DLG2: variants seen among roughly 807,000 people sequenced by gnomAD.
DLG2 encodes the protein discs large MAGUK scaffold protein 2.
A neutral mutation model predicts 132.5 loss-of-function variants in DLG2; 45 were observed. The ratio of observed to expected loss-of-function variants is 0.34; its 90% CI spans 0.27 to 0.44. The LOEUF is 0.44. Ranked by LOEUF, DLG2 falls within the 20% of genes least tolerant of loss-of-function variation. The pLI is 1.00. For synonymous variants in DLG2, 424 were observed against 419.6 expected, an observed-to-expected ratio of 1.01 and a Z score of -0.13; for missense variants, 1,045 against 1,196.9, an observed-to-expected ratio of 0.87 and a Z score of 1.87.
intron 6 of DLG2, chr11:85,020,773 G>A: frequency 4.3e-6 from 3 of 700,420 alleles, no homozygotes; most frequent in Admixed American, 3.5e-5. Context: ...CCTGCTATGT[G>A]CTTCAAAGTC....
At chr11:85,339,227 G>C (rs187571968) in intron 3 of DLG2, among the ~76,000 whole-genome samples, 14 of 152,238 alleles carry the variant, frequency 9.2e-5, no homozygotes, top group Middle Eastern at 3.4e-3. Context: ...ACTCCATGTG[G>C]ATTTGCCATA....
intron 19 of DLG2, among the ~76,000 whole-genome samples, chr11:83,583,316 T>C (rs1457924171): frequency 6.6e-6 from 1 of 152,202 alleles, no homozygotes; most frequent in Non-Finnish European, 1.5e-5. Flanking sequence ...CTCTTTGCAC[T>C]GCCCCTCACA....
chr11:85,194,590 G>A (rs539641985), intron 4 of DLG2, among the ~76,000 whole-genome samples: 50 of 151,742 alleles, frequency 3.3e-4, no homozygotes, highest in South Asian at 1.0e-3. Context: ...AACATTTTCC[G>A]CACTCCCCTC....
At chr11:85,305,823 C>A (rs1035807424) in intron 3 of DLG2, among the ~76,000 whole-genome samples, 1 of 152,108 alleles carries the variant, frequency 6.6e-6, no homozygotes, top group African/African-American at 2.4e-5. Context: ...GGATTTCTTT[C>A]TTTTATACTG....
chr11:85,599,189 A>C (rs117569596), intron 2 of DLG2, among the ~76,000 whole-genome samples: 3 of 151,964 alleles, frequency 2.0e-5, no homozygotes, highest in Admixed American at 1.3e-4. Context: ...ATTTCCCACT[A>C]TATAGTCCAC....
intron 3 of DLG2, among the ~76,000 whole-genome samples, chr11:85,372,200 C>T (rs1036982632): frequency 3.3e-5 from 5 of 152,162 alleles, no homozygotes; most frequent in Non-Finnish European, 7.3e-5. Context: ...CAAATCCTGC[C>T]AGGTGATGGG....
At chr11:85,520,445 A>G (rs548581468) in intron 3 of DLG2, among the ~76,000 whole-genome samples, 89 of 152,098 alleles carry the variant, frequency 5.9e-4, no homozygotes, top group Non-Finnish European at 1.1e-3. Flanking sequence ...GGTTCAATGC[A>G]ATTCTTATCA....
intron 17 of DLG2, among the ~76,000 whole-genome samples, chr11:83,823,306 G>A (rs1594949888): frequency 6.6e-6 from 1 of 152,096 alleles, no homozygotes; most frequent in Non-Finnish European, 1.5e-5. Context: ...TTTACATAGA[G>A]AAGACACTTT....
Position 85,539,798 on chromosome 11 carries a change from G to A in DLG2, c.40+58859C>T, listed in dbSNP as rs948854593. On this transcript the variant is annotated intron_variant, in intron 3 of 27. Coordinates refer to ENST00000376104, the MANE Select transcript of DLG2 (RefSeq NM_001142699.3). ...TGTCTGTAGTACAGGGGTTACAAGAGCTAAGGCAAGAAATATAGATTGAAG... is the reference window on the plus strand; with the variant it reads ...TGTCTGTAGTACAGGGGTTACAAGAACTAAGGCAAGAAATATAGATTGAAG... Among the ~76,000 whole-genome samples, 3 of 152,184 alleles carry A rather than the reference G, an allele frequency of 2.0e-5. No homozygotes were observed. In the East Asian group the frequency reaches 5.8e-4, roughly 29 times the overall value.
chr11:84,927,620 C>T (rs1177988911), intron 6 of DLG2, among the ~76,000 whole-genome samples: 2 of 152,116 alleles, frequency 1.3e-5, no homozygotes, highest in East Asian at 3.9e-4. Context: ...AAGTAGCCTA[C>T]ATAAATATCT....
rs143969248 is a variant in DLG2 at position 84,627,827 on chromosome 11, C to T, written c.358-93096G>A. On this transcript the variant is annotated intron_variant, in intron 6 of 27. Transcript: ENST00000376104. ...TGGTGAAAATAACAGCAAGAGAAAG[C>T]GGTGGGAGGAGGTGCCACAGACTCA... 4.0e-3 allele frequency among the ~76,000 whole-genome samples: 616 copies of T among 152,158 alleles called. 9 individuals carry two copies. Among genetic ancestry groups the T allele is most frequent in the African/African-American group, 0.013 (557 of 41,520 alleles).
At position 83,965,348 on chromosome 11, in the gene DLG2, A is replaced by G. The variant is rs1267450357; in HGVS notation, c.1177T>C (p.Tyr393His). Reference sequence around the variant, plus strand: ...CAGTGAGTAATATCAGGTGGACCATAAGGATCAGTCATATAAATGGTAGTG... The same window carrying G: ...CAGTGAGTAATATCAGGTGGACCATGAGGATCAGTCATATAAATGGTAGTG... ...KPTTIYMTDP[Y>H]GPPDITHSYS... is the part of the protein sequence containing the mutation. Residue 393 changes from tyrosine (Y) to histidine (H), a missense_variant, in exon 13 of 28, where the codon TAT (tyrosine) becomes CAT (histidine). Coordinates refer to ENST00000376104, the MANE Select transcript of DLG2 (RefSeq NM_001142699.3). 6.2e-7 allele frequency: 1 copy of G among 1,611,140 alleles called. No individual in the cohort carries two copies. The highest frequency in any genetic ancestry group is 1.3e-5 in the African/African-American group (1 of 74,680).
intron 7 of DLG2, among the ~76,000 whole-genome samples, chr11:84,297,231 G>T (rs535605394): frequency 6.6e-6 from 1 of 152,060 alleles, no homozygotes; most frequent in African/African-American, 2.4e-5. Flanking sequence ...TAAGGGTTAA[G>T]AATAAAAGAA....
intron 3 of DLG2, among the ~76,000 whole-genome samples, chr11:85,543,241 G>A (rs1041355068): frequency 3.3e-5 from 5 of 152,098 alleles, no homozygotes; most frequent in African/African-American, 9.7e-5. Context: ...GCAATGTTTG[G>A]TTTTCTGTTC....
chr11:83,630,807 C>T (rs1261404311), intron 19 of DLG2, among the ~76,000 whole-genome samples: 2 of 152,166 alleles, frequency 1.3e-5, no homozygotes, highest in Non-Finnish European at 2.9e-5. Context: ...TCAGTTTCCT[C>T]TTCTGTAAAT....
At chr11:84,961,970 C>A (rs1225902972) in intron 6 of DLG2, among the ~76,000 whole-genome samples, 1 of 152,190 alleles carries the variant, frequency 6.6e-6, no homozygotes, top group Non-Finnish European at 1.5e-5. Context: ...TCTGCTCTAA[C>A]AGCCCCTGCC....
In DLG2 at chr11:84,635,883, T is replaced by C. The variant is rs137895616; in HGVS notation, c.358-101152A>G. ...ACAACACCATACTGCCAAATTCTTC[T>C]TCATACATTCTTCACACAAAAATGT... is the stretch of plus-strand genomic sequence containing the variant. On this transcript the variant is annotated intron_variant, in intron 6 of 27. Transcript: ENST00000376104. Among the ~76,000 whole-genome samples the C allele has an allele frequency of 2.0e-3, 302 of 152,312 alleles. 2 individuals carry two copies. The highest frequency in any genetic ancestry group is 7.0e-3 in the African/African-American group (293 of 41,582).
At chr11:84,610,701 C>A (rs1274952978) in intron 6 of DLG2, among the ~76,000 whole-genome samples, 1 of 152,106 alleles carries the variant, frequency 6.6e-6, no homozygotes, top group South Asian at 2.1e-4. Context: ...CCTTGCCAAT[C>A]CTGACTTTAT....
At chr11:85,449,326 T>C (rs1461802379) in intron 3 of DLG2, among the ~76,000 whole-genome samples, 1 of 152,086 alleles carries the variant, frequency 6.6e-6, no homozygotes, top group Admixed American at 6.5e-5. Flanking sequence ...CTAATGTCCA[T>C]GTCTTTTAAC....
Sources: gnomAD v4.1 joint callset for allele counts (sites outside exome capture counted in the v4.1 genomes callset) on GRCh38, gnomAD v4.1.1 for gene constraint, MANE v1.5 for transcripts, NCBI Gene and HGNC (gene_info 2026-07-23, HGNC 2026-07-21) for gene names.